CFAP47: variants seen among roughly 807,000 people sequenced by gnomAD.
The protein encoded by CFAP47 is cilia and flagella associated protein 47, also known as cilia- and flagella-associated protein 47.
CFAP47 carries 29 observed loss-of-function variants against 148.1 expected under a neutral mutation model. The ratio of observed to expected loss-of-function variants is 0.20; its 90% CI spans 0.15 to 0.27. The LOEUF is 0.27. CFAP47 is among the 10% of genes least tolerant of loss of function. The pLI, the probability that CFAP47 is intolerant of heterozygous loss-of-function variation, is 1.00. For missense variants in CFAP47, 1,872 were observed against 1,697.5 expected (o/e 1.10, Z -1.81); for synonymous variants, 664 against 577.3 (o/e 1.15, Z -2.15).
chrX:36,203,454 A>G (rs1555988375), intron 44 of CFAP47, among the ~76,000 whole-genome samples: 1 of 111,741 alleles, frequency 8.9e-6, no homozygotes, highest in East Asian at 2.8e-4. Flanking sequence ...TTCATTGTGT[A>G]TGCATATATA....
At chrX:35,920,999 C>A (rs1257429452) in intron 1 of CFAP47, among the ~76,000 whole-genome samples, 3 of 111,502 alleles carry the variant, frequency 2.7e-5, no homozygotes. Context: ...TTAAAAAAAT[C>A]GATGTATTAT....
chrX:36,228,162 C>A (rs1173289888), intron 45 of CFAP47, among the ~76,000 whole-genome samples: 1 of 111,487 alleles, frequency 9.0e-6, no homozygotes, highest in Non-Finnish European at 1.9e-5. Context: ...ACAGTAAAGC[C>A]CATCTAATAT....
chrX:36,203,206 C>G (rs1263075725), intron 44 of CFAP47, among the ~76,000 whole-genome samples: 1 of 111,449 alleles, frequency 9.0e-6, no homozygotes, highest in African/African-American at 3.3e-5. Flanking sequence ...TTCTTTAGCT[C>G]AAACCAAACC....
intron 46 of CFAP47, among the ~76,000 whole-genome samples, chrX:36,233,713 C>T (rs1466451832): frequency 3.6e-5 from 4 of 111,140 alleles, no homozygotes; most frequent in Non-Finnish European, 5.7e-5. Context: ...CTAGCCTTGA[C>T]GGTCTTTACA....
At chrX:36,254,547 T>G (rs1467985859) in intron 49 of CFAP47, among the ~76,000 whole-genome samples, 1 of 110,701 alleles carries the variant, frequency 9.0e-6, no homozygotes, top group Non-Finnish European at 1.9e-5. Context: ...GGGAGATCAT[T>G]TAGGGGTCTT....
chrX:35,957,131 C>T lies in CFAP47; in HGVS notation c.1410+935C>T, dbSNP rs962052704. 5.7e-5 allele frequency among the ~76,000 whole-genome samples: 6 copies of T among 105,951 alleles called. No homozygotes were observed. The East Asian group carries it at 1.5e-3, about 26-fold the overall frequency. The allele number at this position is 105,951 out of a possible 115,157, so 92.0% of individuals were successfully genotyped here. A position where few individuals can be genotyped will look rare whatever the true frequency, so the allele number is the denominator to read the frequency against. On this transcript the variant is annotated intron_variant, in intron 8 of 63. Coordinates refer to ENST00000378653, the MANE Select transcript of CFAP47 (RefSeq NM_001304548.2). ...GGCTGAGGCAGGAGAATCGCTTGAA[C>T]CCAGGAGGCAGAGGTTGCAGTGAGC...
At chrX:36,011,958 TTTC>T (rs1460396309) in intron 21 of CFAP47, among the ~76,000 whole-genome samples, 2 of 111,881 alleles carry the variant, frequency 1.8e-5, no homozygotes, top group African/African-American at 6.5e-5. Flanking sequence ...TTGCCTAGGT[TTTC>T]TTCTAGGGTT....
At chrX:36,202,778 G>A (rs1301349344) in intron 44 of CFAP47, among the ~76,000 whole-genome samples, 1 of 108,564 alleles carries the variant, frequency 9.2e-6, no homozygotes, top group Non-Finnish European at 1.9e-5. Flanking sequence ...TTGGGAGGCC[G>A]AGACAGGAGA....
rs73199394 is a variant in CFAP47 at position 36,358,678 on chromosome X, A to G, written c.8852-2652A>G. On this transcript the variant is annotated intron_variant, in intron 60 of 63. Transcript: ENST00000378653. ...ACCCTGCATTGTCTCGCTCTTTTCT[A>G]CTTTGCCTGCTTCACGGTTTGATAA... Among the ~76,000 whole-genome samples, 932 of 111,265 alleles carry G rather than the reference A, an allele frequency of 8.4e-3. 7 individuals carry two copies. The highest frequency in any genetic ancestry group is 0.049 in the South Asian group (126 of 2,583).
At position 36,294,478 on chromosome X, in the gene CFAP47, AG is replaced by A. The variant is rs1256595639; in HGVS notation, c.7687-4497del. On this transcript the variant is annotated intron_variant, in intron 51 of 63. Coordinates refer to ENST00000378653, the MANE Select transcript of CFAP47 (RefSeq NM_001304548.2). ...TGGGAGCCAGCAGTTTGGGAGACCG[AG>A]GCAGGCCGATCAGGAGGTCAGGAGG... Among the ~76,000 whole-genome samples, 9 of 111,542 alleles carry A rather than the reference AG, an allele frequency of 8.1e-5. No homozygotes were observed. The East Asian group carries it at 2.5e-3, about 32-fold the overall frequency.
chrX:36,357,492 A>G (rs1402411107), intron 60 of CFAP47, among the ~76,000 whole-genome samples: 2 of 112,226 alleles, frequency 1.8e-5, no homozygotes, highest in Non-Finnish European at 1.9e-5. Flanking sequence ...TCCAGCAAGC[A>G]TCTTTTCTGC....
chrX:36,241,375 C>T (rs1340556485), intron 48 of CFAP47, among the ~76,000 whole-genome samples: 2 of 111,827 alleles, frequency 1.8e-5, no homozygotes, highest in African/African-American at 3.3e-5. Context: ...CCCCAGCTGA[C>T]TGCCAGGCCA....
rs1556009817 is a variant in CFAP47, at chrX:36,310,904, C to A, written c.8259C>A (p.Thr2753=). The part of the protein sequence containing the change: ...FPQPLDTERI[T]TRIGLQSTIV... ...AGCCTCTAGACACGGAAAGAATAAC[C>A]ACACGCATTGGTCTTCAGTCAACTA... is the stretch of plus-strand genomic sequence containing the variant. Residue 2753 remains threonine (T), a synonymous_variant, in exon 56 of 64, where the codon ACC becomes ACA. Coordinates refer to ENST00000378653, the MANE Select transcript of CFAP47 (RefSeq NM_001304548.2). The A allele has an allele frequency of 8.8e-7, 1 of 1,139,785 alleles. No homozygotes were observed. Among genetic ancestry groups the A allele is most frequent in the South Asian group, 2.0e-5 (1 of 51,197 alleles). The allele number at this position is 1,139,785 out of a possible 1,213,427, so 93.9% of individuals were successfully genotyped here.
intron 30 of CFAP47, among the ~76,000 whole-genome samples, chrX:36,088,861 G>A (rs1289199234): frequency 1.8e-5 from 2 of 111,005 alleles, no homozygotes; most frequent in Non-Finnish European, 3.8e-5. Context: ...AACTAAAACC[G>A]ACACAGAATA....
intron 8 of CFAP47, among the ~76,000 whole-genome samples, chrX:35,957,608 A>G (rs1053663970): frequency 1.8e-5 from 2 of 112,226 alleles, no homozygotes; most frequent in African/African-American, 6.5e-5. Context: ...ACTGCTTTCT[A>G]GATTTCCTGT....
rs1209717429 is a variant in CFAP47 at position 35,970,850 on chromosome X, T to C, written c.1897T>C (p.Leu633=). The stretch of plus-strand genomic sequence containing the variant: ...TACATTTGAAAAACAGCAAAAGAAA[T>C]TACATGAAAACTATTATGCAATGTA... ...YTTFEKQQKK[L]HENYYAMYLK... The change falls in exon 11 of 64, where the codon TTA becomes CTA. Residue 633 remains leucine (L), a synonymous_variant. Transcript: ENST00000378653. 1 of 1,188,560 alleles carries C rather than the reference T, an allele frequency of 8.4e-7. No homozygotes were observed. Among genetic ancestry groups the C allele is most frequent in the Non-Finnish European group, 1.1e-6 (1 of 879,959 alleles).
At chrX:36,222,662 A>C (rs1192631580) in intron 45 of CFAP47, among the ~76,000 whole-genome samples, 1 of 110,567 alleles carries the variant, frequency 9.0e-6, no homozygotes, top group African/African-American at 3.3e-5. Context: ...AAACACTGTA[A>C]ATTTTTTAAC....
intron 57 of CFAP47, among the ~76,000 whole-genome samples, chrX:36,339,414 T>C (rs1258664354): frequency 1.8e-5 from 2 of 112,022 alleles, no homozygotes; most frequent in Non-Finnish European, 3.8e-5. Flanking sequence ...AAATTATCTG[T>C]GGGTAATTTA....
In CFAP47 at chrX:36,103,927, T is replaced by C. The variant is rs1601979426; in HGVS notation, c.5128-572T>C. Among the ~76,000 whole-genome samples, 3 of 111,660 alleles carry C rather than the reference T, an allele frequency of 2.7e-5. No individual in the cohort carries two copies. In the South Asian group the frequency reaches 1.1e-3, roughly 41 times the overall value. On this transcript the variant is annotated intron_variant, in intron 32 of 63. Transcript: ENST00000378653. Reference sequence around the variant, plus strand: ...TAATATCGCTAAAATTATTTTTAAATCCAGTTGCATTGCTACCTAATAAAA... The same window carrying C: ...TAATATCGCTAAAATTATTTTTAAACCCAGTTGCATTGCTACCTAATAAAA...
Sources: gnomAD v4.1 joint callset for allele counts (sites outside exome capture counted in the v4.1 genomes callset) on GRCh38, gnomAD v4.1.1 for gene constraint, MANE v1.5 for transcripts, NCBI Gene and HGNC (gene_info 2026-07-23, HGNC 2026-07-21) for gene names.